Variants in RRM2 observed in about 807,000 individuals in gnomAD.
RRM2 encodes the protein ribonucleoside-diphosphate reductase subunit M2.
A neutral mutation model predicts 45.9 loss-of-function variants in RRM2; 6 were observed. The observed-to-expected ratio is 0.13, with a 90% CI of 0.07 to 0.26. The LOEUF (loss-of-function observed/expected upper bound fraction) is 0.26. Among genes scored for constraint, RRM2 ranks in the 10% least tolerant of loss-of-function variants. The pLI, the probability that RRM2 is intolerant of heterozygous loss-of-function variation, is 1.00. For missense variants in RRM2, 343 were observed against 489.5 expected, an observed-to-expected ratio of 0.70 and a Z score of 2.82; for synonymous variants, 177 against 173.0, an observed-to-expected ratio of 1.02 and a Z score of -0.18.
chr2:10,153,949 A>G (rs1015028271), intron 3 of RRM2, among the ~76,000 whole-genome samples: 8 of 152,228 alleles, frequency 5.3e-5, no homozygotes, highest in African/African-American at 1.9e-4. Flanking sequence ...AAAGTTCTGG[A>G]AAAGAAATTG....
intron 4 of RRM2, 95 bp from the exon 5 acceptor site, chr2:10,124,622 A>T: frequency 7.4e-7 from 1 of 1,355,722 alleles, no homozygotes. Flanking sequence ...AATAAACCTT[A>T]TAATGGTACA....
At chr2:10,125,207 G>A (rs1662753798) in intron 5 of RRM2, among the ~76,000 whole-genome samples, 1 of 152,222 alleles carries the variant, frequency 6.6e-6, no homozygotes, top group Admixed American at 6.5e-5. Context: ...TGGACGGGGA[G>A]GACTTGCCTC....
At chr2:10,176,548 G>A (rs1242224336) in intron 3 of RRM2, among the ~76,000 whole-genome samples, 4 of 152,164 alleles carry the variant, frequency 2.6e-5, no homozygotes, top group African/African-American at 4.8e-5. Context: ...GATTACAGGC[G>A]TGAGCCATCG....
intron 3 of RRM2, among the ~76,000 whole-genome samples, chr2:10,159,617 G>A (rs1663513538): frequency 6.6e-6 from 1 of 152,228 alleles, no homozygotes; most frequent in Non-Finnish European, 1.5e-5. Flanking sequence ...ACTCCAGGAT[G>A]ACTGAGGTTT....
At chr2:10,151,136 T>C (rs957896228) in intron 3 of RRM2, among the ~76,000 whole-genome samples, 1 of 151,950 alleles carries the variant, frequency 6.6e-6, no homozygotes, top group Admixed American at 6.6e-5. Context: ...TTGAAGTCCA[T>C]CAGTTGTATA....
intron 1 of RRM2, chr2:10,141,784 C>T (rs1011436718): frequency 1.3e-6 from 2 of 1,542,654 alleles, no homozygotes; most frequent in East Asian, 4.9e-5. Context: ...TGGCCTGGGG[C>T]TGGGGCTGGG....
chr2:10,198,685 T>C (rs184980216), intron 3 of RRM2: 1 of 152,236 alleles, frequency 6.6e-6, no homozygotes, highest in African/African-American at 2.4e-5. Flanking sequence ...GGCTCAACAG[T>C]CCAAGACAGG....
chr2:10,197,268 G>A (rs894972285), intron 3 of RRM2, among the ~76,000 whole-genome samples: 3 of 152,226 alleles, frequency 2.0e-5, no homozygotes, highest in Admixed American at 6.5e-5. Flanking sequence ...AGGGTAACGC[G>A]AGCGCCTAGG....
At chr2:10,132,182 A>G (rs993917174), downstream of RRM2, among the ~76,000 whole-genome samples, 2 of 152,238 alleles carry the variant, frequency 1.3e-5, no homozygotes, top group Non-Finnish European at 2.9e-5. Flanking sequence ...CGCCACTGCC[A>G]TTCAGTTCAT....
intron 3 of RRM2, among the ~76,000 whole-genome samples, chr2:10,183,322 G>A (rs1351293480): frequency 6.6e-6 from 1 of 152,214 alleles, no homozygotes; most frequent in African/African-American, 2.4e-5. Flanking sequence ...TGTGCCATCT[G>A]ACCCCTCTGA....
chr2:10,124,987 A>G, intron 5 of RRM2, 137 bp downstream of exon 5: 1 of 731,880 alleles, frequency 1.4e-6, no homozygotes, highest in South Asian at 2.0e-5. Flanking sequence ...ACCCGTGGTC[A>G]TGTCTGCTCT....
chr2:10,131,550 C>A (rs953338097), downstream of RRM2: 3 of 152,110 alleles, frequency 2.0e-5, no homozygotes, highest in African/African-American at 7.2e-5. Flanking sequence ...ATCAGCCTGG[C>A]CAACATGGTG....
At chr2:10,210,258 TG>T in intron 3 of RRM2, 1 of 1,237,940 alleles carries the variant, frequency 8.1e-7, no homozygotes, top group South Asian at 1.2e-5. Flanking sequence ...TTTGGGGGCA[TG>T]GGTTGGATGA....
intron 3 of RRM2, among the ~76,000 whole-genome samples, chr2:10,190,677 G>A (rs1664283305): frequency 6.7e-6 from 1 of 149,812 alleles, no homozygotes; most frequent in African/African-American, 2.5e-5. Context: ...GATGATAATG[G>A]TGGTGATGAT....
chr2:10,142,472 A>G lies in RRM2; in HGVS notation n.482+97A>G, dbSNP rs896334357. Reference sequence around the variant, plus strand: ...TCTGCTGTTTCCTAGCTCAGTGTACAGGGCCCCCACGCACCCCTGCCAGGT... The same window carrying G: ...TCTGCTGTTTCCTAGCTCAGTGTACGGGGCCCCCACGCACCCCTGCCAGGT... On this transcript the variant is annotated intron_variant and non_coding_transcript_variant, in intron 3 of 3. Transcript: ENST00000381786. The G allele has an allele frequency of 1.5e-4, 185 of 1,243,466 alleles. No individual in the cohort carries two copies. The Middle Eastern group carries it at 1.8e-3, about 12-fold the overall frequency. The allele number at this position is 1,243,466 out of a possible 1,614,324, so 77.0% of individuals were successfully genotyped here.
intron 3 of RRM2, among the ~76,000 whole-genome samples, chr2:10,157,016 C>CTTT (rs71391198): frequency 0.49 from 42,471 of 85,858 alleles, 11,617 homozygotes; most frequent in Middle Eastern, 0.54. Flanking sequence ...CAGCCCATTT[C>CTTT]TTTTTTTTTT....
intron 7 of RRM2, among the ~76,000 whole-genome samples, chr2:10,128,620 C>T (rs1558381342): frequency 6.6e-6 from 1 of 152,222 alleles, no homozygotes. Context: ...TGCCTGTCTT[C>T]ATCTAGGTGG....
intron 3 of RRM2, among the ~76,000 whole-genome samples, chr2:10,173,600 C>G (rs1266898090): frequency 1.3e-5 from 2 of 152,258 alleles, no homozygotes; most frequent in East Asian, 3.8e-4. Context: ...GCTTGGGAGC[C>G]TCACCTGGAA....
chr2:10,190,203 C>T (rs1380349951), intron 3 of RRM2, among the ~76,000 whole-genome samples: 1 of 107,252 alleles, frequency 9.3e-6, no homozygotes, highest in African/African-American at 3.8e-5. Flanking sequence ...GGTGGTGGTA[C>T]TGATGATGGT....
Sources: gnomAD v4.1 joint callset for allele counts (sites outside exome capture counted in the v4.1 genomes callset) on GRCh38, gnomAD v4.1.1 for gene constraint, MANE v1.5 for transcripts, NCBI Gene and HGNC (gene_info 2026-07-23, HGNC 2026-07-21) for gene names.